CUL9: variants seen among roughly 807,000 people sequenced by gnomAD.
CUL9 encodes cullin-9.
A neutral mutation model predicts 272.6 loss-of-function variants in CUL9; 79 were observed. The ratio of observed to expected loss-of-function variants is 0.29; its 90% CI spans 0.24 to 0.35. The LOEUF (loss-of-function observed/expected upper bound fraction) is 0.35, where lower values mean the gene tolerates loss of function less well. Ranked by LOEUF, CUL9 falls within the 10% of genes least tolerant of loss-of-function variation. The pLI, the probability that CUL9 is intolerant of heterozygous loss-of-function variation, is 1.00. For synonymous variants in CUL9, 1,186 were observed against 1,286.5 expected (o/e 0.92, Z 1.67); for missense variants, 2,532 against 3,255.6 (o/e 0.78, Z 5.41).
chr6:43,187,197 A>G, intron 5 of CUL9, 49 bp from the exon 6 acceptor site: 1 of 1,604,776 alleles, frequency 6.2e-7, no homozygotes, highest in Non-Finnish European at 8.5e-7. Context: ...GTCCAGAAAT[A>G]GACCCCATTC....
chr6:43,187,496 C>G, intron 6 of CUL9, 57 bp downstream of exon 6: 1 of 1,557,288 alleles, frequency 6.4e-7, no homozygotes, highest in Non-Finnish European at 8.8e-7. Context: ...GTGGGATTCT[C>G]TAGAGGGAGT....
Position 43,204,766 on chromosome 6 carries a change from G to A in CUL9, c.4358G>A (p.Gly1453Asp). 1.9e-6 allele frequency: 3 copies of A among 1,614,186 alleles called. No individual in the cohort carries two copies. The highest frequency in any genetic ancestry group is 2.5e-6 in the Non-Finnish European group (3 of 1,180,024). The change falls in exon 22 of 41, where the codon GGT (glycine) becomes GAT (aspartate). Residue 1453 changes from glycine to aspartate, a missense_variant. Gly to Asp is a moderately conservative substitution (Grantham distance 94, BLOSUM62 -1). Around this residue, in one of 3 missense-constraint regions of CUL9, gnomAD observed 2,218 missense variants for 2,788.6 expected, o/e 0.80. Coordinates refer to ENST00000252050, the MANE Select transcript of CUL9 (RefSeq NM_015089.4). ...STRPFSKNSK[G>D]RDRSPAPSPV... ...TCTACAGTCAGCAAGAACAGCAAGG[G>A]TCGGGACCGGAGCCCGGCGCCTTCG...
At chr6:43,196,547 C>T (rs1774010294) in intron 10 of CUL9, 98 bp from the exon 11 acceptor site, 1 of 1,116,246 alleles carries the variant, frequency 9.0e-7, no homozygotes, top group East Asian at 2.4e-5. Flanking sequence ...CCACTGGAGC[C>T]CTTTGCTCCC....
intron 17 of CUL9, 129 bp from the exon 18 acceptor site, chr6:43,202,980 C>T (rs967017851): frequency 1.5e-5 from 18 of 1,195,724 alleles, no homozygotes; most frequent in Middle Eastern, 2.7e-4. Flanking sequence ...TGCAGAGCCA[C>T]GTCCATCCCT....
chr6:43,216,052 G>A lies in CUL9; in HGVS notation c.5937-106G>A, dbSNP rs1775904330. 2.8e-6 allele frequency: 3 copies of A among 1,068,176 alleles called. No homozygotes were observed. In the East Asian group the frequency reaches 7.8e-5, roughly 28 times the overall value. 66.2% of individuals were successfully genotyped at this position (1,068,176 alleles called of 1,614,324 possible). The stretch of plus-strand genomic sequence containing the variant: ...GGTTATCCTGAGGCTGCTTAGGCAA[G>A]CGAGCAAGTATGCTCAAAGAGGGAG... On this transcript the variant is annotated intron_variant, in intron 30 of 40. Transcript: ENST00000252050.
In CUL9 at chr6:43,184,800, G is replaced by C; in HGVS notation, c.490G>C (p.Glu164Gln). The C allele has an allele frequency of 6.2e-7, 1 of 1,613,938 alleles. No individual in the cohort carries two copies. The highest frequency in any genetic ancestry group is 8.5e-7 in the Non-Finnish European group (1 of 1,180,056). Residue 164 changes from glutamate (E) to glutamine (Q), a missense_variant, in exon 2 of 41, where the codon GAG (glutamate) becomes CAG (glutamine). Physicochemically the swap from Glu to Gln is conservative, Grantham distance 29. Transcript: ENST00000252050. This position sits in a 1 kb window ranked among gnomAD's most constrained non-coding sequence, Gnocchi z 4.8. ...SIGPLTGVFRETGALDLLMHM... is the reference protein window; with the variant it reads ...SIGPLTGVFRQTGALDLLMHM... The stretch of plus-strand genomic sequence containing the variant: ...CGGGCCCCTCACTGGTGTCTTCAGG[G>C]AGACAGGAGCCCTGGACCTGCTCAT...
rs1287930870 is a variant in CUL9 at position 43,187,878 on chromosome 6, T to A, written c.1747T>A (p.Ser583Thr). The A allele has an allele frequency of 3.7e-6, 6 of 1,613,984 alleles. No homozygotes were observed. In the East Asian group the frequency reaches 1.3e-4, roughly 36 times the overall value. ...GCTGTCTAATGAACCAAGCAGCTCG[T>A]CTACTTCACGAAATCACTCCTGTAC... ...GLLSNEPSSS[S>T]TSRNHSCTPD... The change falls in exon 7 of 41, where the codon TCT becomes ACT. Residue 583 changes from serine (S) to threonine (T), a missense_variant. Physicochemically the swap from Ser to Thr is moderately conservative, Grantham distance 58 (BLOSUM62 1). This residue lies in a region of CUL9 where 2,218 missense variants were observed against 2,788.6 expected (regional missense o/e 0.80). Coordinates refer to ENST00000252050, the MANE Select transcript of CUL9 (RefSeq NM_015089.4).
chr6:43,183,756 CTTTT>C (rs574570742), intron 1 of CUL9, among the ~76,000 whole-genome samples: 28 of 150,722 alleles, frequency 1.9e-4, no homozygotes, highest in African/African-American at 2.7e-4. Flanking sequence ...CTCTTTCTTT[CTTTT>C]TTTCTTTTTT....
chr6:43,195,326 A>T (rs544486211), intron 9 of CUL9, among the ~76,000 whole-genome samples: 32 of 152,286 alleles, frequency 2.1e-4, no homozygotes, highest in Non-Finnish European at 2.9e-5. Context: ...TTTTAATTTA[A>T]TTTTTCTCTA....
intron 26 of CUL9, among the ~76,000 whole-genome samples, chr6:43,210,703 A>G (rs1339624606): frequency 1.3e-5 from 2 of 152,138 alleles, no homozygotes; most frequent in Non-Finnish European, 2.9e-5. Flanking sequence ...TGTCAATTTT[A>G]GCCTATTTAT....
intron 1 of CUL9, among the ~76,000 whole-genome samples, chr6:43,183,188 C>A (rs1772575278): frequency 6.6e-6 from 1 of 152,184 alleles, no homozygotes. Flanking sequence ...TTGCTTCTCT[C>A]CTGACCTCAT....
In CUL9 at chr6:43,203,402, C is replaced by T; in HGVS notation, c.3850-15C>T. ...CAAGCGGCTTGGGTGACAGATAAGT[C>T]TGTGCATGTTCCAGGGCGGCATTGA... On this transcript the variant is annotated splice_polypyrimidine_tract_variant and intron_variant, in intron 18 of 40. Transcript: ENST00000252050. This position sits in a 1 kb window ranked among gnomAD's most constrained non-coding sequence, Gnocchi z 5.0. 1.2e-6 allele frequency: 2 copies of T among 1,613,388 alleles called. No homozygotes were observed. The highest frequency in any genetic ancestry group is 1.7e-6 in the Non-Finnish European group (2 of 1,179,670).
chr6:43,191,451 A>T (rs1582309606), intron 8 of CUL9, among the ~76,000 whole-genome samples: 1 of 143,038 alleles, frequency 7.0e-6, no homozygotes, highest in Non-Finnish European at 1.5e-5. Context: ...AGTATCTGGG[A>T]CTACAGGAAT....
intron 26 of CUL9, chr6:43,212,945 G>C (rs1775638274): frequency 1.7e-6 from 1 of 592,446 alleles, no homozygotes; most frequent in East Asian, 2.9e-5. Context: ...TCTAGGGATG[G>C]GCTCCTAGAT....
chr6:43,204,368 G>A lies in CUL9; in HGVS notation c.4168G>A (p.Gly1390Ser). Reference sequence around the variant, plus strand: ...GACCTGTCTTCTTTCAGATGCGGAAGGCGTGAGTGCCCTGGGATGGCTGCT... The same window carrying A: ...GACCTGTCTTCTTTCAGATGCGGAAAGCGTGAGTGCCCTGGGATGGCTGCT... ...VQNITSPDAE[G>S]VSALGWLLDQ... The change falls in exon 21 of 41, where the codon GGC (glycine) becomes AGC (serine). Residue 1390 changes from glycine (G) to serine (S), a missense_variant. Coordinates refer to ENST00000252050, the MANE Select transcript of CUL9 (RefSeq NM_015089.4). The A allele has an allele frequency of 6.2e-7, 1 of 1,613,902 alleles. No individual in the cohort carries two copies. Among genetic ancestry groups the A allele is most frequent in the East Asian group, 2.2e-5 (1 of 44,866 alleles).
At chr6:43,212,045 G>A (rs1775551266) in intron 26 of CUL9, among the ~76,000 whole-genome samples, 1 of 152,208 alleles carries the variant, frequency 6.6e-6, no homozygotes, top group South Asian at 2.1e-4. Flanking sequence ...AGGAAAGTGG[G>A]TTATTCATTC....
chr6:43,195,897 C>T (rs1773951988), intron 9 of CUL9, among the ~76,000 whole-genome samples, 172 bp from the exon 10 acceptor site: 1 of 152,092 alleles, frequency 6.6e-6, no homozygotes, highest in South Asian at 2.1e-4. Context: ...CTCCCTCCTT[C>T]CCTCTCTTTG....
At chr6:43,214,976 T>A in intron 29 of CUL9, 103 bp from the exon 30 acceptor site, 1 of 1,334,718 alleles carries the variant, frequency 7.5e-7, no homozygotes, top group Non-Finnish European at 1.0e-6. Context: ...GACTGTCTCT[T>A]AAAAAAAAAG....
chr6:43,185,060 A>G (rs1772783078), intron 2 of CUL9, among the ~76,000 whole-genome samples, 155 bp downstream of exon 2: 1 of 152,236 alleles, frequency 6.6e-6, no homozygotes, highest in East Asian at 1.9e-4. Flanking sequence ...AGGCTATTTC[A>G]GGTATATAAA....
Sources: gnomAD v4.1 joint callset for allele counts (sites outside exome capture counted in the v4.1 genomes callset) on GRCh38, gnomAD v4.1.1 for gene constraint, gnomAD v4.1.1 regional missense constraint, Gnocchi (gnomAD v3.1) non-coding constraint, MANE v1.5 for transcripts, NCBI Gene and HGNC (gene_info 2026-07-23, HGNC 2026-07-21) for gene names.